The following CIAO2A variants were observed in gnomAD, a reference collection of about 807,000 sequenced individuals.
CIAO2A encodes the protein cytosolic iron-sulfur assembly component 2A.
In CIAO2A, 17 loss-of-function variants were observed where a neutral mutation model predicts 22.4. The observed-to-expected ratio is 0.76, with a 90% confidence interval of 0.52 to 1.14. The LOEUF is 1.14. Among genes scored for constraint, CIAO2A ranks in the 50% most tolerant of loss-of-function variants. The pLI is 0.00. For missense variants in CIAO2A, 192 were observed against 191.4 expected, an observed-to-expected ratio of 1.00 and a Z score of -0.02; for synonymous variants, 74 against 72.3, an observed-to-expected ratio of 1.02 and a Z score of -0.12.
At chr15:64,087,213 T>A (rs1221582177) in intron 2 of CIAO2A, among the ~76,000 whole-genome samples, 1 of 146,340 alleles carries the variant, frequency 6.8e-6, no homozygotes, top group African/African-American at 2.5e-5. Flanking sequence ...TGCCTCAGCC[T>A]CCTGAGTAGC....
At chr15:64,084,297 C>A (rs1218304347) in intron 2 of CIAO2A, among the ~76,000 whole-genome samples, 1 of 152,096 alleles carries the variant, frequency 6.6e-6, no homozygotes, top group Non-Finnish European at 1.5e-5. Context: ...TGTGGGCCAC[C>A]ACGTCTGGCG....
chr15:64,093,680 G>A lies in CIAO2A; in HGVS notation c.89C>T (p.Pro30Leu), dbSNP rs765589024. The change falls in exon 1 of 5, where the codon CCC (proline) becomes CTC (leucine). Residue 30 changes from proline to leucine, a missense_variant. By Grantham distance (98) the Pro-to-Leu change is moderately conservative. Transcript: ENST00000300030. ...GLSEPGAARQ[P>L]RIMEEKALEV... ...TAGCGCTTTCTCTTCCATGATCCGG[G>A]GCTGCCGGGCAGCTCCCGGCTCAGA... 8.1e-6 allele frequency: 13 copies of A among 1,613,774 alleles called. No homozygotes were observed. Among genetic ancestry groups the A allele is most frequent in the Non-Finnish European group, 9.3e-6 (11 of 1,179,924 alleles).
intron 2 of CIAO2A, among the ~76,000 whole-genome samples, chr15:64,084,134 C>T (rs953004903): frequency 1.3e-5 from 2 of 152,078 alleles, no homozygotes; most frequent in African/African-American, 4.8e-5. Context: ...TATTTGTCCA[C>T]GTACACATTT....
rs767417638 is a variant in CIAO2A at position 64,081,076 on chromosome 15, C to G, written c.339+26G>C. 6.2e-6 allele frequency: 10 copies of G among 1,607,638 alleles called. No homozygotes were observed. The South Asian group carries it at 1.0e-4, about 16-fold the overall frequency. Reference sequence around the variant, plus strand: ...CAACAAAGCTGTTTTACAACAACAACAACAACAAAAATACATCTTTCTTAC... The same window carrying G: ...CAACAAAGCTGTTTTACAACAACAAGAACAACAAAAATACATCTTTCTTAC... On this transcript the variant is annotated intron_variant, in intron 3 of 4. Coordinates refer to ENST00000300030, the MANE Select transcript of CIAO2A (RefSeq NM_032231.7).
In CIAO2A at chr15:64,093,769, C is replaced by G; in HGVS notation, c.-1G>C. On this transcript the variant is annotated 5_prime_UTR_variant, in exon 1 of 5. Coordinates refer to ENST00000300030, the MANE Select transcript of CIAO2A (RefSeq NM_032231.7). ...AGAGCAGCCCGGACACCCGCTGCAT[C>G]TTCACGCTCAGCCATCCCTGGCGAC... 5.0e-6 allele frequency: 8 copies of G among 1,610,044 alleles called. No homozygotes were observed. Among genetic ancestry groups the G allele is most frequent in the Non-Finnish European group, 6.8e-6 (8 of 1,176,680 alleles).
chr15:64,093,398 T>C (rs1415365187), intron 1 of CIAO2A, among the ~76,000 whole-genome samples: 1 of 152,076 alleles, frequency 6.6e-6, no homozygotes, highest in Admixed American at 6.6e-5. Flanking sequence ...TTAAGACCTC[T>C]GGGTTCGGCT....
chr15:64,080,531 A>T (rs893751777), intron 3 of CIAO2A, among the ~76,000 whole-genome samples: 6 of 151,928 alleles, frequency 3.9e-5, no homozygotes, highest in African/African-American at 1.2e-4. Context: ...AAATACAAAA[A>T]ATTAGCTGGG....
At chr15:64,080,500 G>C (rs776423480) in intron 3 of CIAO2A, among the ~76,000 whole-genome samples, 4 of 152,128 alleles carry the variant, frequency 2.6e-5, no homozygotes, top group African/African-American at 9.7e-5. Flanking sequence ...GACCAATATG[G>C]TGAAACCCCG....
At chr15:64,080,888 T>A (rs2080754661) in intron 3 of CIAO2A, among the ~76,000 whole-genome samples, 1 of 152,106 alleles carries the variant, frequency 6.6e-6, no homozygotes, top group South Asian at 2.1e-4. Flanking sequence ...TGAAAATATA[T>A]GCCTACACAA....
intron 2 of CIAO2A, among the ~76,000 whole-genome samples, chr15:64,087,122 C>T (rs1249552455): frequency 1.7e-5 from 2 of 116,206 alleles, no homozygotes; most frequent in South Asian, 2.8e-4. Flanking sequence ...ATAAGAGTCT[C>T]GCTCTGATGC....
intron 3 of CIAO2A, among the ~76,000 whole-genome samples, chr15:64,076,677 T>A (rs1026600801): frequency 6.6e-6 from 1 of 151,742 alleles, no homozygotes; most frequent in African/African-American, 2.4e-5. Context: ...AGAAAAATCA[T>A]AACTTATTAT....
chr15:64,075,778 T>C (rs963689925), intron 3 of CIAO2A, among the ~76,000 whole-genome samples: 2 of 151,542 alleles, frequency 1.3e-5, no homozygotes, highest in African/African-American at 4.8e-5. Flanking sequence ...AGCCTCCCAA[T>C]AGCTGGAATT....
At chr15:64,079,627 G>A (rs1453677758) in intron 3 of CIAO2A, among the ~76,000 whole-genome samples, 1 of 152,202 alleles carries the variant, frequency 6.6e-6, no homozygotes, top group Non-Finnish European at 1.5e-5. Context: ...GTAGCAGCCA[G>A]GTAGAGAAGG....
intron 1 of CIAO2A, among the ~76,000 whole-genome samples, chr15:64,092,649 C>T (rs8036741): frequency 0.019 from 2,895 of 152,286 alleles, 107 homozygotes; most frequent in African/African-American, 0.066. Context: ...ATTTTACTCA[C>T]AATTATCATC....
intron 1 of CIAO2A, among the ~76,000 whole-genome samples, chr15:64,089,321 G>A (rs561676448): frequency 2.6e-5 from 4 of 152,038 alleles, no homozygotes; most frequent in Admixed American, 6.6e-5. Flanking sequence ...TCAGAAGTTC[G>A]AGACCAGCCT....
At chr15:64,075,593 G>C in intron 3 of CIAO2A, 56 bp from the exon 4 acceptor site, 1 of 1,089,292 alleles carries the variant, frequency 9.2e-7, no homozygotes. Flanking sequence ...TAAGATAAGA[G>C]AGTGAAGTGG....
At chr15:64,081,058 G>A (rs1371477417) in intron 3 of CIAO2A, 44 bp downstream of exon 3, 1 of 1,567,548 alleles carries the variant, frequency 6.4e-7, no homozygotes, top group Non-Finnish European at 8.7e-7. Context: ...TCTCAACAAA[G>A]CTGTTTTACA....
chr15:64,088,022 C>T (rs921415707), intron 2 of CIAO2A, among the ~76,000 whole-genome samples: 1 of 152,160 alleles, frequency 6.6e-6, no homozygotes, highest in South Asian at 2.1e-4. Flanking sequence ...TTTTTTATAG[C>T]TGCATAGTAT....
chr15:64,090,694 C>T (rs566216164), intron 1 of CIAO2A, among the ~76,000 whole-genome samples: 1 of 152,222 alleles, frequency 6.6e-6, no homozygotes, highest in African/African-American at 2.4e-5. Flanking sequence ...GTAGAGAGTG[C>T]GTGCGCTGAA....
Sources: gnomAD v4.1 joint callset for allele counts (sites outside exome capture counted in the v4.1 genomes callset) on GRCh38, gnomAD v4.1.1 for gene constraint, MANE v1.5 for transcripts, NCBI Gene and HGNC (gene_info 2026-07-23, HGNC 2026-07-21) for gene names.